RAPH1: variants seen among roughly 807,000 people sequenced by gnomAD.
RAPH1 encodes the protein ras-associated and pleckstrin homology domains-containing protein 1.
In RAPH1, 18 loss-of-function variants were observed where a neutral mutation model predicts 88.1. The ratio of observed to expected loss-of-function variants is 0.20; its 90% CI spans 0.14 to 0.30. The LOEUF (loss-of-function observed/expected upper bound fraction) is 0.30, where lower values mean the gene tolerates loss of function less well. Ranked by LOEUF, RAPH1 falls within the 10% of genes least tolerant of loss-of-function variation. The pLI is 1.00. For missense variants in RAPH1, 1,448 were observed against 1,543.2 expected (o/e 0.94, Z 1.03); for synonymous variants, 587 against 559.0 (o/e 1.05, Z -0.71).
At chr2:203,444,742 T>G (rs956541419) in intron 13 of RAPH1, 126 bp downstream of exon 13, 15 of 807,292 alleles carry the variant, frequency 1.9e-5, no homozygotes, top group African/African-American at 3.5e-5. Context: ...TTAGGAAGAT[T>G]GAAAATTAAT....
intron 4 of RAPH1, among the ~76,000 whole-genome samples, chr2:203,479,401 CAAG>C (rs1225764774): frequency 6.6e-6 from 1 of 152,076 alleles, no homozygotes; most frequent in Admixed American, 6.5e-5. Flanking sequence ...GTCAGGAGTT[CAAG>C]AACAGCCTGG....
At chr2:203,454,918 T>C (rs930954415) in intron 9 of RAPH1, among the ~76,000 whole-genome samples, 1 of 152,136 alleles carries the variant, frequency 6.6e-6, no homozygotes, top group African/African-American at 2.4e-5. Context: ...AGTATAGTGA[T>C]TCGCAACTGG....
chr2:203,531,796 G>A (rs552164814), intron 1 of RAPH1, among the ~76,000 whole-genome samples: 2 of 152,330 alleles, frequency 1.3e-5, no homozygotes, highest in East Asian at 3.9e-4. Context: ...TAGTGGGAAT[G>A]TAAAATGGTG....
At chr2:203,478,036 G>GTT (rs71408938) in intron 4 of RAPH1, among the ~76,000 whole-genome samples, 21 of 140,308 alleles carry the variant, frequency 1.5e-4, no homozygotes, top group South Asian at 6.9e-4. Context: ...ATAACTTTTT[G>GTT]TTTTTTTTTT....
At chr2:203,480,869 C>T (rs1242257804) in intron 4 of RAPH1, among the ~76,000 whole-genome samples, 1 of 152,170 alleles carries the variant, frequency 6.6e-6, no homozygotes, top group African/African-American at 2.4e-5. Context: ...CCCAGCGTGG[C>T]CATTTATTGG....
intron 1 of RAPH1, among the ~76,000 whole-genome samples, chr2:203,517,848 T>C (rs1689684986): frequency 6.6e-6 from 1 of 152,082 alleles, no homozygotes; most frequent in Non-Finnish European, 1.5e-5. Flanking sequence ...TTTACCAAGT[T>C]TGTGGGATGC....
Position 203,439,784 on chromosome 2 carries a change from C to T in RAPH1, c.3406G>A (p.Ala1136Thr). The change falls in exon 14 of 14, where the codon GCT (alanine) becomes ACT (threonine). Residue 1136 changes from alanine to threonine, a missense_variant. This residue lies in a region of RAPH1 where 935 missense variants were observed against 890.1 expected (regional missense o/e 1.05). Coordinates refer to ENST00000319170, the MANE Select transcript of RAPH1 (RefSeq NM_213589.3). ...ATTGTTGGCTGCTCAGAAATCTCAG[C>T]TTGAGTGAGGCGGGTGCTATCATTC... ...KRNDSTRLTQAEISEQPTMAT... is the reference protein window; with the variant it reads ...KRNDSTRLTQTEISEQPTMAT... The T allele has an allele frequency of 1.9e-6, 3 of 1,614,116 alleles. No homozygotes were observed. The highest frequency in any genetic ancestry group is 1.1e-5 in the South Asian group (1 of 91,084).
Position 203,434,037 on chromosome 2 carries a change from C to CAT in RAPH1, c.*5398_*5399dup, listed in dbSNP as rs1275348828. The CAT allele has an allele frequency of 4.3e-4, 56 of 131,382 alleles. No homozygotes were observed. The highest frequency in any genetic ancestry group is 1.8e-3 in the African/African-American group (53 of 29,968). 8.1% of individuals were successfully genotyped at this position (131,382 alleles called of 1,614,324 possible). A position where few individuals can be genotyped will look rare whatever the true frequency, so the allele number is the denominator to read the frequency against. ...TCAGTAGTACTGAATATATCTCTCT[C>CAT]ATATATCTATCTATCTATCTATATA... On this transcript the variant is annotated 3_prime_UTR_variant, in exon 14 of 14. Transcript: ENST00000319170.
rs2153631769 is a variant in RAPH1 at position 203,436,834 on chromosome 2, A to G, written c.*2603T>C. The stretch of plus-strand genomic sequence containing the variant: ...ACAGAAATACAGTCTAGGAAAAGCT[A>G]CATCCCAACAAAAATCCAAATTAAA... On this transcript the variant is annotated 3_prime_UTR_variant, in exon 14 of 14. Coordinates refer to ENST00000319170, the MANE Select transcript of RAPH1 (RefSeq NM_213589.3). The G allele has an allele frequency of 6.6e-6, 1 of 152,400 alleles. No homozygotes were observed. 9.4% of individuals were successfully genotyped at this position (152,400 alleles called of 1,614,324 possible).
At chr2:203,534,118 C>T (rs1164366954) in intron 1 of RAPH1, among the ~76,000 whole-genome samples, 1 of 152,160 alleles carries the variant, frequency 6.6e-6, no homozygotes, top group African/African-American at 2.4e-5. Flanking sequence ...ACGCCTCATC[C>T]CTAACCCGTT....
intron 4 of RAPH1, among the ~76,000 whole-genome samples, chr2:203,480,151 G>T (rs1687657035): frequency 6.6e-6 from 1 of 152,226 alleles, no homozygotes. Context: ...TGCAAAGTAA[G>T]TTATGAATCA....
chr2:203,520,051 G>A (rs1179458511), intron 1 of RAPH1, among the ~76,000 whole-genome samples: 1 of 152,178 alleles, frequency 6.6e-6, no homozygotes, highest in Non-Finnish European at 1.5e-5. Flanking sequence ...ACAGAGGCCA[G>A]GCACAGTGGC....
intron 1 of RAPH1, among the ~76,000 whole-genome samples, chr2:203,533,169 C>G (rs551324514): frequency 3.9e-5 from 6 of 152,084 alleles, no homozygotes; most frequent in Non-Finnish European, 8.8e-5. Context: ...CTCCTTTCAC[C>G]CAGTCACATA....
intron 1 of RAPH1, among the ~76,000 whole-genome samples, chr2:203,528,349 A>G (rs1690219816): frequency 6.6e-6 from 1 of 152,220 alleles, no homozygotes; most frequent in Non-Finnish European, 1.5e-5. Context: ...TTCCAAACAC[A>G]GTTTTGGTGG....
intron 1 of RAPH1, among the ~76,000 whole-genome samples, chr2:203,523,919 C>T (rs1690003437): frequency 6.6e-6 from 1 of 152,026 alleles, no homozygotes; most frequent in South Asian, 2.1e-4. Context: ...CAGGAGAATC[C>T]CTTGAACCTG....
chr2:203,532,914 A>C (rs1359533452), intron 1 of RAPH1, among the ~76,000 whole-genome samples: 1 of 152,220 alleles, frequency 6.6e-6, no homozygotes, highest in East Asian at 1.9e-4. Flanking sequence ...ACTAATGTTG[A>C]CATTCAATTA....
rs375822534 is a variant in RAPH1 at position 203,490,030 on chromosome 2, T to C, written c.286A>G (p.Ile96Val). 19 of 1,614,096 alleles carry C rather than the reference T, an allele frequency of 1.2e-5. No homozygotes were observed. In the East Asian group the frequency reaches 1.6e-4, roughly 13 times the overall value. ...CCAATGCTGCTGAGCTCCTGCTCTA[T>C]AGAGCAAAGATCAGCCATCAAGGCA... ...LDALMADLCS[I>V]EQELSSIGSG... is the part of the protein sequence containing the mutation. The change falls in exon 4 of 14, where the codon ATA becomes GTA. Residue 96 changes from isoleucine to valine, a missense_variant. Ile to Val is a conservative substitution (Grantham distance 29, BLOSUM62 3). This residue lies in a region of RAPH1 where 513 missense variants were observed against 653.1 expected (regional missense o/e 0.79). Coordinates refer to ENST00000319170, the MANE Select transcript of RAPH1 (RefSeq NM_213589.3).
intron 4 of RAPH1, among the ~76,000 whole-genome samples, chr2:203,468,727 A>G (rs1414347863): frequency 6.6e-6 from 1 of 152,172 alleles, no homozygotes; most frequent in Non-Finnish European, 1.5e-5. Flanking sequence ...ATTGGCAATG[A>G]AAATGGTAAA....
intron 10 of RAPH1, among the ~76,000 whole-genome samples, chr2:203,450,043 G>C (rs540842794): frequency 8.2e-5 from 12 of 146,634 alleles, no homozygotes; most frequent in African/African-American, 2.2e-4. Flanking sequence ...AAAAAACAAA[G>C]AAAGAAAGAA....
Sources: allele counts gnomAD v4.1 joint callset (sites outside exome capture counted in the v4.1 genomes callset), GRCh38; gene constraint gnomAD v4.1.1; regional missense constraint gnomAD v4.1.1; transcripts MANE v1.5; gene names NCBI Gene and HGNC (gene_info 2026-07-23, HGNC 2026-07-21).